WAC: variants seen among roughly 807,000 people sequenced by gnomAD.
WAC encodes WW domain-containing adapter protein with coiled-coil.
In WAC, 11 loss-of-function variants were observed where a neutral mutation model predicts 79.6. That is an observed-to-expected ratio of 0.14 (90% CI 0.09 to 0.23). The LOEUF (loss-of-function observed/expected upper bound fraction) is 0.23. Ranked by LOEUF, WAC falls within the 10% of genes least tolerant of loss-of-function variation. The pLI, the probability that WAC is intolerant of heterozygous loss-of-function variation, is 1.00. For missense variants in WAC, 728 were observed against 773.5 expected (o/e 0.94, Z 0.70); for synonymous variants, 304 against 276.9 (o/e 1.10, Z -0.97).
Position 28,535,713 on chromosome 10 carries a change from A to G in WAC, c.230A>G (p.Lys77Arg). 6.2e-7 allele frequency: 1 copy of G among 1,614,028 alleles called. No individual in the cohort carries two copies. Among genetic ancestry groups the G allele is most frequent in the Non-Finnish European group, 8.5e-7 (1 of 1,179,990 alleles). ...NKYSDSTGHSKAKNVHTHRVR... is the reference protein window; with the variant it reads ...NKYSDSTGHSRAKNVHTHRVR... ...TACAGTGACAGCACAGGTCACAGTA[A>G]GGCCAAAAATGTGCATACTCACAGA... The change falls in exon 3 of 14, where the codon AAG becomes AGG. Residue 77 changes from lysine (K) to arginine (R), a missense_variant. Around this residue, in one of 3 missense-constraint regions of WAC, gnomAD observed 648 missense variants for 661.5 expected, o/e 0.98. Transcript: ENST00000354911.
At chr10:28,606,560 A>G (rs1840963026) in intron 7 of WAC, among the ~76,000 whole-genome samples, 1 of 152,182 alleles carries the variant, frequency 6.6e-6, no homozygotes, top group African/African-American at 2.4e-5. Flanking sequence ...CAGCTGTGAG[A>G]TCCACACTTT....
At chr10:28,542,094 G>T (rs1002513829) in intron 3 of WAC, among the ~76,000 whole-genome samples, 1 of 152,034 alleles carries the variant, frequency 6.6e-6, no homozygotes, top group African/African-American at 2.4e-5. Flanking sequence ...CTCCATACTG[G>T]CCCTGCAGGC....
chr10:28,614,393 C>T (rs2132851535), intron 10 of WAC, among the ~76,000 whole-genome samples, 174 bp from the exon 11 acceptor site: 1 of 152,300 alleles, frequency 6.6e-6, no homozygotes, highest in Middle Eastern at 3.4e-3. Context: ...GCGCCCAGCC[C>T]TAGTTTGATA....
intron 3 of WAC, among the ~76,000 whole-genome samples, chr10:28,572,972 T>G (rs895571760): frequency 1.3e-5 from 2 of 152,202 alleles, no homozygotes; most frequent in Admixed American, 6.5e-5. Flanking sequence ...ATATCTTATT[T>G]GACAAGTGAC....
intron 7 of WAC, among the ~76,000 whole-genome samples, chr10:28,597,041 G>C (rs998593365): frequency 1.3e-5 from 2 of 151,612 alleles, no homozygotes; most frequent in Non-Finnish European, 2.9e-5. Flanking sequence ...CATTTTATTT[G>C]AAATTTTCTT....
chr10:28,544,257 T>A (rs1025613503), intron 3 of WAC, among the ~76,000 whole-genome samples: 3 of 152,206 alleles, frequency 2.0e-5, no homozygotes, highest in Non-Finnish European at 4.4e-5. Context: ...GCGTAGTGGA[T>A]TAAACAAATA....
At chr10:28,536,785 T>C (rs1373857160) in intron 3 of WAC, among the ~76,000 whole-genome samples, 1 of 152,246 alleles carries the variant, frequency 6.6e-6, no homozygotes, top group Admixed American at 6.5e-5. Flanking sequence ...GTCAAAAGCA[T>C]GCATTAAGGA....
intron 3 of WAC, among the ~76,000 whole-genome samples, chr10:28,542,898 C>T (rs971951158): frequency 5.3e-5 from 8 of 152,180 alleles, no homozygotes; most frequent in African/African-American, 1.9e-4. Flanking sequence ...TTTTTGTTTG[C>T]TTGCCTTTTG....
intron 3 of WAC, among the ~76,000 whole-genome samples, chr10:28,566,405 CAAAAT>C (rs2132518920): frequency 6.6e-6 from 1 of 152,218 alleles, no homozygotes; most frequent in African/African-American, 2.4e-5. Flanking sequence ...ATTAAGTTGT[CAAAAT>C]AAGCACATGG....
intron 6 of WAC, among the ~76,000 whole-genome samples, chr10:28,593,191 T>TA (rs1240615536): frequency 6.6e-6 from 1 of 152,168 alleles, no homozygotes. Context: ...GTTGCTTTTT[T>TA]AAAAAATTGG....
At chr10:28,560,035 A>C (rs1395538870) in intron 3 of WAC, among the ~76,000 whole-genome samples, 1 of 152,170 alleles carries the variant, frequency 6.6e-6, no homozygotes, top group African/African-American at 2.4e-5. Context: ...TGACTGATGA[A>C]CTGGAAGTTA....
intron 3 of WAC, among the ~76,000 whole-genome samples, chr10:28,544,071 CAG>C (rs1297045409): frequency 6.6e-6 from 1 of 152,156 alleles, no homozygotes; most frequent in Non-Finnish European, 1.5e-5. Flanking sequence ...TTAGTAGAGA[CAG>C]GGTTTTGTCA....
Position 28,533,509 on chromosome 10 carries a change from G to T in WAC, c.-71G>T. On this transcript the variant is annotated 5_prime_UTR_variant, in exon 1 of 14. Coordinates refer to ENST00000354911, the MANE Select transcript of WAC (RefSeq NM_016628.5). ...CTGCCCGCCGCCCGCCGCCGCCGCCGCCTGCGCGCCCGCCCGCCTTTCGCG... is the reference window on the plus strand; with the variant it reads ...CTGCCCGCCGCCCGCCGCCGCCGCCTCCTGCGCGCCCGCCCGCCTTTCGCG... The T allele has an allele frequency of 4.6e-6, 5 of 1,075,532 alleles. No individual in the cohort carries two copies. The highest frequency in any genetic ancestry group is 5.8e-6 in the Non-Finnish European group (5 of 857,912). 66.6% of individuals were successfully genotyped at this position (1,075,532 alleles called of 1,614,324 possible). A position where few individuals can be genotyped will look rare whatever the true frequency, so the allele number is the denominator to read the frequency against.
intron 6 of WAC, among the ~76,000 whole-genome samples, chr10:28,593,743 AT>A (rs1219155192): frequency 7.3e-5 from 11 of 149,678 alleles, no homozygotes; most frequent in East Asian, 3.9e-4. Context: ...AAAAAAAAAA[AT>A]AAAATATTTT....
At chr10:28,593,582 A>G (rs1056312016) in intron 6 of WAC, among the ~76,000 whole-genome samples, 3 of 152,046 alleles carry the variant, frequency 2.0e-5, no homozygotes, top group Non-Finnish European at 4.4e-5. Flanking sequence ...AGCCCGGCCA[A>G]TGTGGTGAAA....
intron 7 of WAC, among the ~76,000 whole-genome samples, chr10:28,598,752 C>A (rs1204693672): frequency 6.6e-6 from 1 of 152,208 alleles, no homozygotes; most frequent in East Asian, 1.9e-4. Context: ...ACATCTATGT[C>A]AGTTCGGACG....
intron 3 of WAC, among the ~76,000 whole-genome samples, chr10:28,563,347 G>A (rs1838403435): frequency 6.6e-6 from 1 of 152,170 alleles, no homozygotes; most frequent in African/African-American, 2.4e-5. Flanking sequence ...GGTAGAACAA[G>A]TGAGGTTTTA....
intron 2 of WAC, among the ~76,000 whole-genome samples, chr10:28,535,053 A>G (rs1392348286): frequency 6.6e-6 from 1 of 151,510 alleles, no homozygotes; most frequent in Non-Finnish European, 1.5e-5. Context: ...CACACCTGGG[A>G]GAGTAAGGAA....
chr10:28,558,765 AGGT>A (rs1219405976), intron 3 of WAC, among the ~76,000 whole-genome samples: 2 of 152,224 alleles, frequency 1.3e-5, no homozygotes, highest in Non-Finnish European at 2.9e-5. Context: ...AGGAATCCAA[AGGT>A]GGTGCTGTCC....
Sources: gnomAD v4.1 joint callset for allele counts (sites outside exome capture counted in the v4.1 genomes callset) on GRCh38, gnomAD v4.1.1 for gene constraint, gnomAD v4.1.1 regional missense constraint, MANE v1.5 for transcripts, NCBI Gene and HGNC (gene_info 2026-07-23, HGNC 2026-07-21) for gene names.